The following SMYD3 variants were observed in gnomAD, a reference collection of about 807,000 sequenced individuals.
The protein encoded by SMYD3 is SET and MYND domain containing 3, also known as histone-lysine N-methyltransferase SMYD3.
A neutral mutation model predicts 57.7 loss-of-function variants in SMYD3; 36 were observed. That is an observed-to-expected ratio of 0.62 (90% CI 0.48 to 0.82). The LOEUF (loss-of-function observed/expected upper bound fraction) is 0.82, where lower values mean the gene tolerates loss of function less well. Among genes scored for constraint, SMYD3 ranks in the 40% least tolerant of loss-of-function variants. The pLI, the probability that SMYD3 is intolerant of heterozygous loss-of-function variation, is 0.00. For synonymous variants in SMYD3, 211 were observed against 195.0 expected, an observed-to-expected ratio of 1.08 and a Z score of -0.68; for missense variants, 515 against 538.8, an observed-to-expected ratio of 0.96 and a Z score of 0.44.
intron 5 of SMYD3, chr1:246,178,915 A>G (rs1352752128): frequency 6.6e-6 from 1 of 152,498 alleles, no homozygotes; most frequent in Non-Finnish European, 1.5e-5. Flanking sequence ...TGATACTGCC[A>G]AATGAACACA....
At chr1:246,026,079 T>C (rs1191120671) in intron 5 of SMYD3, 1 of 152,110 alleles carries the variant, frequency 6.6e-6, no homozygotes, top group East Asian at 1.9e-4. Context: ...AAGGCAGAGA[T>C]TGCAGTGAGC....
intron 5 of SMYD3, among the ~76,000 whole-genome samples, chr1:246,200,278 G>A (rs1014499195): frequency 6.6e-6 from 1 of 151,726 alleles, no homozygotes; most frequent in African/African-American, 2.4e-5. Flanking sequence ...TAGACGCTGA[G>A]CGAGAATGTA....
At chr1:245,983,227 G>A (rs1326725405) in intron 5 of SMYD3, among the ~76,000 whole-genome samples, 1 of 152,096 alleles carries the variant, frequency 6.6e-6, no homozygotes, top group African/African-American at 2.4e-5. Flanking sequence ...TCACCCCATG[G>A]GGGTTGTGTT....
intron 5 of SMYD3, among the ~76,000 whole-genome samples, chr1:246,149,395 C>T (rs113086568): frequency 6.3e-4 from 96 of 152,276 alleles, no homozygotes; most frequent in African/African-American, 2.3e-3. Flanking sequence ...TCTGCTGTGA[C>T]TGATCCTCAA....
Position 246,398,639 on chromosome 1 carries a change from T to C in SMYD3, c.165-43545A>G, listed in dbSNP as rs148188972. 1.3e-3 allele frequency among the ~76,000 whole-genome samples: 197 copies of C among 152,214 alleles called. 2 individuals carry two copies. Among genetic ancestry groups the C allele is most frequent in the Non-Finnish European group, 2.3e-3 (157 of 68,000 alleles). ...GGTAAACAGTACATTCAGGGGACTGTAAATAGTATAGAGTGACTGAAGCAC... is the reference window on the plus strand; with the variant it reads ...GGTAAACAGTACATTCAGGGGACTGCAAATAGTATAGAGTGACTGAAGCAC... On this transcript the variant is annotated intron_variant, in intron 1 of 11. Transcript: ENST00000490107.
At chr1:246,185,852 A>C (rs2062632081) in intron 5 of SMYD3, among the ~76,000 whole-genome samples, 1 of 152,226 alleles carries the variant, frequency 6.6e-6, no homozygotes, top group Non-Finnish European at 1.5e-5. Flanking sequence ...AAAAGAACTT[A>C]CACAATTTTT....
intron 10 of SMYD3, among the ~76,000 whole-genome samples, chr1:245,782,689 C>A (rs1347239521): frequency 6.6e-6 from 1 of 152,174 alleles, no homozygotes; most frequent in Non-Finnish European, 1.5e-5. Flanking sequence ...AACAATTTAC[C>A]TCTAATACAA....
intron 5 of SMYD3, among the ~76,000 whole-genome samples, chr1:246,078,241 G>T (rs990675854): frequency 6.6e-6 from 1 of 152,180 alleles, no homozygotes; most frequent in African/African-American, 2.4e-5. Flanking sequence ...TTTATGGGAG[G>T]TCATTGATTT....
chr1:246,206,833 A>G (rs538549292), intron 5 of SMYD3, among the ~76,000 whole-genome samples: 2 of 152,346 alleles, frequency 1.3e-5, no homozygotes, highest in South Asian at 4.1e-4. Flanking sequence ...AATCATATTA[A>G]ATTTTAATAT....
intron 10 of SMYD3, among the ~76,000 whole-genome samples, chr1:245,800,973 G>A (rs752273265): frequency 6.6e-6 from 1 of 152,220 alleles, no homozygotes; most frequent in African/African-American, 2.4e-5. Flanking sequence ...AATGTGGGGT[G>A]TAGTAATTCT....
chr1:245,881,175 C>A (rs530833664), intron 8 of SMYD3, among the ~76,000 whole-genome samples: 5 of 152,288 alleles, frequency 3.3e-5, no homozygotes, highest in African/African-American at 1.2e-4. Context: ...ACCACCAAAC[C>A]AACACTGTGT....
chr1:246,381,828 C>T (rs1207640602), intron 1 of SMYD3, among the ~76,000 whole-genome samples: 1 of 152,220 alleles, frequency 6.6e-6, no homozygotes, highest in African/African-American at 2.4e-5. Flanking sequence ...GGGATCCAGC[C>T]TCCAGGCCAA....
At chr1:246,356,549 T>C (rs552310159) in intron 1 of SMYD3, among the ~76,000 whole-genome samples, 2 of 152,242 alleles carry the variant, frequency 1.3e-5, no homozygotes, top group South Asian at 2.1e-4. Flanking sequence ...GAAAACCTGA[T>C]ACAGAATATG....
intron 3 of SMYD3, among the ~76,000 whole-genome samples, chr1:246,332,860 G>A (rs545099005): frequency 6.6e-6 from 1 of 152,312 alleles, no homozygotes; most frequent in East Asian, 1.9e-4. Context: ...AGCAGCAAGT[G>A]CTGATATAGA....
intron 5 of SMYD3, among the ~76,000 whole-genome samples, chr1:245,935,872 G>C (rs1457772662): frequency 4.6e-5 from 7 of 152,186 alleles, no homozygotes; most frequent in African/African-American, 1.7e-4. Context: ...GGTTACCAGA[G>C]GCATGGGCTG....
chr1:245,918,218 G>A (rs1487469009), intron 7 of SMYD3, among the ~76,000 whole-genome samples: 4 of 152,176 alleles, frequency 2.6e-5, no homozygotes, highest in Admixed American at 6.5e-5. Flanking sequence ...AGACAATGAC[G>A]TTACTGAGTA....
At chr1:245,825,774 G>A (rs1201640486) in intron 10 of SMYD3, among the ~76,000 whole-genome samples, 2 of 151,714 alleles carry the variant, frequency 1.3e-5, no homozygotes, top group Admixed American at 1.3e-4. Flanking sequence ...TAATTCCTAT[G>A]ACAATCTGTG....
At chr1:246,261,776 G>A (rs1055285872) in intron 5 of SMYD3, among the ~76,000 whole-genome samples, 2 of 152,140 alleles carry the variant, frequency 1.3e-5, no homozygotes, top group African/African-American at 4.8e-5. Context: ...TGAGGAAAAA[G>A]AGGAAAATCA....
intron 5 of SMYD3, among the ~76,000 whole-genome samples, chr1:246,213,159 A>G (rs1354081582): frequency 1.3e-5 from 2 of 152,198 alleles, no homozygotes; most frequent in African/African-American, 4.8e-5. Context: ...CCTCAATCTC[A>G]TATGATGTCG....
Sources: gnomAD v4.1 joint callset for allele counts (sites outside exome capture counted in the v4.1 genomes callset) on GRCh38, gnomAD v4.1.1 for gene constraint, MANE v1.5 for transcripts, NCBI Gene and HGNC (gene_info 2026-07-23, HGNC 2026-07-21) for gene names.